FBXL20: variants seen among roughly 807,000 people sequenced by gnomAD.
The protein encoded by FBXL20 is F-box and leucine rich repeat protein 20.
A neutral mutation model predicts 64.0 loss-of-function variants in FBXL20; 11 were observed. That is an observed-to-expected ratio of 0.17 (90% confidence interval 0.11 to 0.28). The LOEUF (loss-of-function observed/expected upper bound fraction) is 0.28. Among genes scored for constraint, FBXL20 ranks in the 10% least tolerant of loss-of-function variants. FBXL20 has a pLI of 1.00. For synonymous variants in FBXL20, 184 were observed against 189.0 expected, an observed-to-expected ratio of 0.97 and a Z score of 0.22; for missense variants, 303 against 526.2, an observed-to-expected ratio of 0.58 and a Z score of 4.15.
At chr17:39,325,999 C>A (rs2047405589) in intron 2 of FBXL20, among the ~76,000 whole-genome samples, 2 of 152,052 alleles carry the variant, frequency 1.3e-5, no homozygotes, top group African/African-American at 2.4e-5. Context: ...TTAGTACTAC[C>A]CCCTTAATCA....
In FBXL20 at chr17:39,252,713, A is replaced by G. The variant is rs71369733; in HGVS notation, c.*8747T>C. 6.6e-6 allele frequency: 1 copy of G among 151,884 alleles called. No individual in the cohort carries two copies. The highest frequency in any genetic ancestry group is 1.9e-4 in the East Asian group (1 of 5,212). The allele number at this position is 151,884 out of a possible 1,614,324, so 9.4% of individuals were successfully genotyped here. A position where few individuals can be genotyped will look rare whatever the true frequency, so the allele number is the denominator to read the frequency against. On this transcript the variant is annotated 3_prime_UTR_variant, in exon 15 of 15. Transcript: ENST00000264658. Reference sequence around the variant, plus strand: ...ATCATAAAACAAAATTAGAACATACAAGAAACAATAATAGTTACATAACAA... The same window carrying G: ...ATCATAAAACAAAATTAGAACATACGAGAAACAATAATAGTTACATAACAA...
intron 10 of FBXL20, among the ~76,000 whole-genome samples, chr17:39,271,431 C>A (rs1332200170): frequency 6.6e-6 from 1 of 151,790 alleles, no homozygotes; most frequent in Non-Finnish European, 1.5e-5. Flanking sequence ...AACCCCATTT[C>A]TACCAAAAAT....
rs191818952 is a variant in FBXL20 at position 39,298,787 on chromosome 17, G to A, written c.329+203C>T. Among the ~76,000 whole-genome samples, 967 of 152,018 alleles carry A rather than the reference G, an allele frequency of 6.4e-3. 17 individuals are homozygous for A. The highest frequency in any genetic ancestry group is 0.022 in the African/African-American group (925 of 41,474). Reference sequence around the variant, plus strand: ...GCTCCAAAAGAACCACTTATGATGGGGAATCTGGGTTTTTTTCAGGCAGTA... The same window carrying A: ...GCTCCAAAAGAACCACTTATGATGGAGAATCTGGGTTTTTTTCAGGCAGTA... On this transcript the variant is annotated intron_variant, in intron 5 of 14. Transcript: ENST00000264658.
intron 1 of FBXL20, among the ~76,000 whole-genome samples, chr17:39,378,754 C>T (rs1354078839): frequency 5.9e-5 from 9 of 151,486 alleles, no homozygotes; most frequent in Admixed American, 2.0e-4. Context: ...GGATTACAGG[C>T]GCCCACCACC....
intron 1 of FBXL20, among the ~76,000 whole-genome samples, chr17:39,351,905 T>C (rs530894434): frequency 5.9e-5 from 9 of 152,348 alleles, no homozygotes; most frequent in African/African-American, 2.2e-4. Context: ...TACAATAATA[T>C]ACTGTTGGTT....
At chr17:39,290,562 T>A (rs2047028634) in intron 6 of FBXL20, among the ~76,000 whole-genome samples, 1 of 152,180 alleles carries the variant, frequency 6.6e-6, no homozygotes, top group Admixed American at 6.6e-5. Context: ...CGTTATCTTA[T>A]TTGTCCACAA....
In FBXL20 at chr17:39,253,319, C is replaced by G. The variant is rs1488220886; in HGVS notation, c.*8141G>C. 1 of 152,382 alleles carries G rather than the reference C, an allele frequency of 6.6e-6. No individual in the cohort carries two copies. Among genetic ancestry groups the G allele is most frequent in the Non-Finnish European group, 1.5e-5 (1 of 68,150 alleles). 9.4% of individuals were successfully genotyped at this position (152,382 alleles called of 1,614,324 possible). ...TCACGGGAAGGTGGGCAAAGGTGAG[C>G]AGAGCAGCTGAGAAGTGCACATGGT... On this transcript the variant is annotated 3_prime_UTR_variant, in exon 15 of 15. Transcript: ENST00000264658.
chr17:39,326,617 A>G (rs1325236301), intron 2 of FBXL20, among the ~76,000 whole-genome samples: 1 of 151,282 alleles, frequency 6.6e-6, no homozygotes, highest in Non-Finnish European at 1.5e-5. Flanking sequence ...GCAAGACCCT[A>G]TTTAAAAAAA....
chr17:39,328,589 A>C (rs2047431861), intron 2 of FBXL20, among the ~76,000 whole-genome samples: 1 of 152,232 alleles, frequency 6.6e-6, no homozygotes, highest in Non-Finnish European at 1.5e-5. Flanking sequence ...CAAACAAATA[A>C]CAAAATGGAG....
intron 1 of FBXL20, among the ~76,000 whole-genome samples, chr17:39,381,171 A>G (rs1408586985): frequency 6.6e-6 from 1 of 151,688 alleles, no homozygotes; most frequent in Admixed American, 6.6e-5. Flanking sequence ...AAAAAAAAAA[A>G]AAGTTGTTAA....
chr17:39,402,097 C>A, upstream of FBXL20: 1 of 1,197,642 alleles, frequency 8.3e-7, no homozygotes. Flanking sequence ...CGTCGCCCCT[C>A]GTCACTTGTT....
chr17:39,263,946 A>G, intron 14 of FBXL20: 1 of 482,532 alleles, frequency 2.1e-6, no homozygotes, highest in Non-Finnish European at 3.7e-6. Context: ...CTCTGCTGGG[A>G]GGAGACCTAC....
intron 10 of FBXL20, among the ~76,000 whole-genome samples, chr17:39,272,714 AAAAAAAAG>A (rs2046856399): frequency 7.2e-6 from 1 of 138,680 alleles, no homozygotes; most frequent in African/African-American, 3.0e-5. Flanking sequence ...AAAAAAAAAA[AAAAAAAAG>A]AAAGAAAGAA....
At chr17:39,370,223 C>T (rs1184570046) in intron 1 of FBXL20, among the ~76,000 whole-genome samples, 2 of 151,738 alleles carry the variant, frequency 1.3e-5, no homozygotes, top group African/African-American at 4.8e-5. Flanking sequence ...AAGCGCTATG[C>T]CTCACGCCTG....
At chr17:39,337,501 G>A (rs1161818007) in intron 2 of FBXL20, among the ~76,000 whole-genome samples, 1 of 152,044 alleles carries the variant, frequency 6.6e-6, no homozygotes, top group Non-Finnish European at 1.5e-5. Context: ...GGAAAGTGAG[G>A]AGCGTCTCTG....
chr17:39,345,559 T>TG (rs1323885280), intron 1 of FBXL20, among the ~76,000 whole-genome samples: 1 of 151,966 alleles, frequency 6.6e-6, no homozygotes, highest in East Asian at 1.9e-4. Context: ...AATTTTTTTT[T>TG]TGAGAGAGTT....
chr17:39,361,226 G>C (rs1193151340), intron 1 of FBXL20, among the ~76,000 whole-genome samples: 53 of 152,010 alleles, frequency 3.5e-4, no homozygotes, highest in Admixed American at 3.4e-3. Flanking sequence ...GAAGGAGTTG[G>C]AGGATCAGAG....
chr17:39,326,579 G>A (rs182402856), intron 2 of FBXL20, among the ~76,000 whole-genome samples: 271 of 151,690 alleles, frequency 1.8e-3, no homozygotes, highest in African/African-American at 6.4e-3. Flanking sequence ...CCATAATCAC[G>A]CCAATGCACT....
intron 1 of FBXL20, among the ~76,000 whole-genome samples, chr17:39,362,105 G>C (rs1441771849): frequency 6.6e-6 from 1 of 151,308 alleles, no homozygotes; most frequent in Non-Finnish European, 1.5e-5. Context: ...GGCTAACACG[G>C]TGAAACCTCG....
Sources: gnomAD v4.1 joint callset for allele counts (sites outside exome capture counted in the v4.1 genomes callset) on GRCh38, gnomAD v4.1.1 for gene constraint, MANE v1.5 for transcripts, NCBI Gene and HGNC (gene_info 2026-07-23, HGNC 2026-07-21) for gene names.